ZNF285: variants seen among roughly 807,000 people sequenced by gnomAD.
The protein encoded by ZNF285 is zinc finger protein 285A.
ZNF285 carries 4 observed loss-of-function variants against 6.2 expected under a neutral mutation model. That is an observed-to-expected ratio of 0.65 (90% CI 0.32 to 1.49). The LOEUF is 1.49. Among genes scored for constraint, ZNF285 ranks in the 40% most tolerant of loss-of-function variants. ZNF285 has a pLI of 0.07. For synonymous variants in ZNF285, 240 were observed against 245.8 expected (o/e 0.98, Z 0.22); for missense variants, 695 against 708.8 (o/e 0.98, Z 0.22).
In ZNF285 at chr19:44,392,524, G is replaced by T; in HGVS notation, c.16-58C>A. 9.3e-6 allele frequency: 15 copies of T among 1,613,430 alleles called. No homozygotes were observed. The Middle Eastern group carries it at 5.0e-4, about 53-fold the overall frequency. ...CCACACAAATGACTGGTCTTAGTCTGTTTGGGCTGCCTTAATAAAACACCA... is the reference window on the plus strand; with the variant it reads ...CCACACAAATGACTGGTCTTAGTCTTTTTGGGCTGCCTTAATAAAACACCA... On this transcript the variant is annotated intron_variant, in intron 2 of 3. Coordinates refer to ENST00000614994, the MANE Select transcript of ZNF285 (RefSeq NM_152354.6).
intron 2 of ZNF285, chr19:44,392,680 A>G (rs1175758804): frequency 1.1e-6 from 1 of 873,542 alleles, no homozygotes; most frequent in East Asian, 2.7e-5. Flanking sequence ...CTCTGCTCTC[A>G]CTGTGTCCTT....
intron 3 of ZNF285, among the ~76,000 whole-genome samples, chr19:44,388,993 C>T (rs1210809812): frequency 2.1e-5 from 3 of 145,296 alleles, no homozygotes; most frequent in Non-Finnish European, 4.4e-5. Context: ...TGGCGTTGTG[C>T]GGGGATGCGT....
intron 1 of ZNF285, among the ~76,000 whole-genome samples, chr19:44,399,118 G>C (rs994299970): frequency 6.6e-5 from 10 of 151,404 alleles, no homozygotes; most frequent in African/African-American, 2.4e-4. Context: ...ATTGGCACTG[G>C]TCTGTGGGCT....
intron 3 of ZNF285, 183 bp downstream of exon 3, chr19:44,392,157 A>G: frequency 6.9e-7 from 1 of 1,445,246 alleles, no homozygotes; most frequent in Non-Finnish European, 9.1e-7. Context: ...TCACAAACCC[A>G]TCACAAGGGG....
intron 1 of ZNF285, among the ~76,000 whole-genome samples, chr19:44,399,857 TG>T (rs1971347220): frequency 6.6e-6 from 1 of 152,092 alleles, no homozygotes; most frequent in African/African-American, 2.4e-5. Context: ...TTATAATACC[TG>T]GGCCTTAAGA....
At chr19:44,401,041 C>T (rs1205225827) in intron 1 of ZNF285, among the ~76,000 whole-genome samples, 1 of 152,024 alleles carries the variant, frequency 6.6e-6, no homozygotes, top group Non-Finnish European at 1.5e-5. Flanking sequence ...GAGTTCAGAC[C>T]CAAGACAACT....
At chr19:44,394,116 A>G (rs1971240936) in intron 2 of ZNF285, among the ~76,000 whole-genome samples, 1 of 152,148 alleles carries the variant, frequency 6.6e-6, no homozygotes, top group Admixed American at 6.5e-5. Flanking sequence ...TTGTAGGGAC[A>G]TAGATGAAAC....
In ZNF285 at chr19:44,385,293, C is replaced by A. The variant is rs1375255563; in HGVS notation, c.*1179G>T. The A allele has an allele frequency of 6.6e-6, 1 of 152,148 alleles. No homozygotes were observed. Among genetic ancestry groups the A allele is most frequent in the Non-Finnish European group, 1.5e-5 (1 of 68,032 alleles). The allele number at this position is 152,148 out of a possible 1,614,324, so 9.4% of individuals were successfully genotyped here. ...TAATCGCATTTAAGGTGTGAGCTGA[C>A]AAACCTATTCAGCATCCCACATTAT... is the stretch of plus-strand genomic sequence containing the variant. On this transcript the variant is annotated 3_prime_UTR_variant, in exon 4 of 4. Coordinates refer to ENST00000614994, the MANE Select transcript of ZNF285 (RefSeq NM_152354.6).
At chr19:44,394,411 T>TAA (rs56836152) in intron 2 of ZNF285, 7 of 393,882 alleles carry the variant, frequency 1.8e-5, no homozygotes, top group Non-Finnish European at 2.7e-5. Context: ...TAAAGTATAA[T>TAA]AAAAAAAAAA....
rs753736399 is a variant in ZNF285 at position 44,386,821 on chromosome 19, T to A, written c.1424A>T (p.Gln475Leu). 6.2e-6 allele frequency: 10 copies of A among 1,614,124 alleles called. No homozygotes were observed. The highest frequency in any genetic ancestry group is 4.5e-5 in the East Asian group (2 of 44,880). ...TGGTTTTTCTCCAGTGTGAACTCTCTGATGAGTGTGAAGAACAGAGCTATA... is the reference window on the plus strand; with the variant it reads ...TGGTTTTTCTCCAGTGTGAACTCTCAGATGAGTGTGAAGAACAGAGCTATA... ...FAYSSVLHTH[Q>L]RVHTGEKPYK... is the part of the protein sequence containing the mutation. The change falls in exon 4 of 4, where the codon CAG becomes CTG. Residue 475 changes from glutamine (Q) to leucine (L), a missense_variant. By Grantham distance (113) the Gln-to-Leu change is moderately radical. Transcript: ENST00000614994.
rs528682536 is a variant in ZNF285, at chr19:44,391,268, G to A, written c.142+1072C>T. Among the ~76,000 whole-genome samples, 47 of 152,040 alleles carry A rather than the reference G, an allele frequency of 3.1e-4. No homozygotes were observed. In the East Asian group the frequency reaches 9.1e-3, roughly 30 times the overall value. On this transcript the variant is annotated intron_variant, in intron 3 of 3. Transcript: ENST00000614994. Reference sequence around the variant, plus strand: ...GAGGCCTCCCCAGGCACGTGGAACTGTAAGTCCAGTACACGTCTATCTTTT... The same window carrying A: ...GAGGCCTCCCCAGGCACGTGGAACTATAAGTCCAGTACACGTCTATCTTTT...
rs890703938 is a variant in ZNF285 at position 44,384,435 on chromosome 19, C to T, written c.*2037G>A. On this transcript the variant is annotated 3_prime_UTR_variant, in exon 4 of 4. Coordinates refer to ENST00000614994, the MANE Select transcript of ZNF285 (RefSeq NM_152354.6). ...ACTTTGTACCTGTTTTTCTTTCCCC[C>T]ACCAACTTATGTAAGAACACTCATT... The T allele has an allele frequency of 2.0e-5, 3 of 152,152 alleles. No homozygotes were observed. The highest frequency in any genetic ancestry group is 7.2e-5 in the African/African-American group (3 of 41,434). 9.4% of individuals were successfully genotyped at this position (152,152 alleles called of 1,614,324 possible).
intron 2 of ZNF285, 36 bp from the exon 3 acceptor site, chr19:44,392,502 C>A: frequency 6.2e-7 from 1 of 1,613,690 alleles, no homozygotes; most frequent in Non-Finnish European, 8.5e-7. Context: ...CAATCATCCA[C>A]ACAAATGACT....
rs1398529884 is a variant in ZNF285, at chr19:44,383,017, C to T, written c.*3455G>A. On this transcript the variant is annotated 3_prime_UTR_variant, in exon 4 of 4. Coordinates refer to ENST00000614994, the MANE Select transcript of ZNF285 (RefSeq NM_152354.6). ...CCTTTGGACAATTCTGGTCATTGCACACAATTGTTATTGTGAATGAAACAT... is the reference window on the plus strand; with the variant it reads ...CCTTTGGACAATTCTGGTCATTGCATACAATTGTTATTGTGAATGAAACAT... 1 of 152,148 alleles carries T rather than the reference C, an allele frequency of 6.6e-6. No individual in the cohort carries two copies. 9.4% of individuals were successfully genotyped at this position (152,148 alleles called of 1,614,324 possible). A position where few individuals can be genotyped will look rare whatever the true frequency, so the allele number is the denominator to read the frequency against.
chr19:44,395,640 G>C (rs1451254341), intron 2 of ZNF285, among the ~76,000 whole-genome samples: 1 of 152,106 alleles, frequency 6.6e-6, no homozygotes. Flanking sequence ...AATACACAGA[G>C]AGTGTGGTAA....
chr19:44,387,031 C>A lies in ZNF285; in HGVS notation c.1214G>T (p.Cys405Phe). ...GGAGCTTGAACTAAAGCACTTGCCA[C>A]ACTCACTGCATTTGTAGGGCTTCTC... is the stretch of plus-strand genomic sequence containing the variant. Reference protein sequence around the residue: ...TGEKPYKCSECGKCFSSSSVL... With the variant: ...TGEKPYKCSEFGKCFSSSSVL... Residue 405 changes from cysteine to phenylalanine, a missense_variant, in exon 4 of 4, where the codon TGT (cysteine) becomes TTT (phenylalanine). Cys to Phe is a radical substitution (Grantham distance 205). Transcript: ENST00000614994. The A allele has an allele frequency of 1.9e-6, 3 of 1,614,174 alleles. No individual in the cohort carries two copies. In the South Asian group the frequency reaches 3.3e-5, roughly 18 times the overall value.
intron 3 of ZNF285, among the ~76,000 whole-genome samples, chr19:44,389,473 A>G (rs1375412085): frequency 6.6e-6 from 1 of 152,220 alleles, no homozygotes; most frequent in Non-Finnish European, 1.5e-5. Context: ...TGTAACCCAC[A>G]GTAAAATCAG....
At chr19:44,396,111 T>G (rs1473509644) in intron 2 of ZNF285, among the ~76,000 whole-genome samples, 1 of 152,120 alleles carries the variant, frequency 6.6e-6, no homozygotes, top group Non-Finnish European at 1.5e-5. Flanking sequence ...ACTCATTCAT[T>G]TTAGTTGCAT....
At position 44,386,337 on chromosome 19, in the gene ZNF285, T is replaced by A; in HGVS notation, c.*135A>T. ...ACAGTCCTTGCCTGGCACACTTCAG[T>A]GCTGCAGGCTGACATTATCGATGGC... On this transcript the variant is annotated 3_prime_UTR_variant, in exon 4 of 4. Transcript: ENST00000614994. 1.0e-6 allele frequency: 1 copy of A among 963,810 alleles called. No individual in the cohort carries two copies. The highest frequency in any genetic ancestry group is 1.6e-5 in the African/African-American group (1 of 61,102). The allele number at this position is 963,810 out of a possible 1,614,324, so 59.7% of individuals were successfully genotyped here.
Sources: allele counts gnomAD v4.1 joint callset (sites outside exome capture counted in the v4.1 genomes callset), GRCh38; gene constraint gnomAD v4.1.1; transcripts MANE v1.5; gene names NCBI Gene and HGNC (gene_info 2026-07-23, HGNC 2026-07-21).